The following RIPPLY1 variants were observed in gnomAD, a reference collection of about 807,000 sequenced individuals.
The protein encoded by RIPPLY1 is protein ripply1.
Under a neutral mutation model 8.7 loss-of-function variants are expected in RIPPLY1, and 10 were observed. The observed-to-expected ratio is 1.15, with a 90% CI of 0.71 to 1.94. RIPPLY1 has a LOEUF of 1.94. Among genes scored for constraint, RIPPLY1 ranks in the 30% most tolerant of loss-of-function variants. The pLI is 0.00. For synonymous variants in RIPPLY1, 54 were observed against 44.8 expected, an observed-to-expected ratio of 1.20 and a Z score of -0.82; for missense variants, 118 against 108.7, an observed-to-expected ratio of 1.09 and a Z score of -0.38.
At chrX:106,901,014 C>T in intron 3 of RIPPLY1, 106 bp from the exon 4 acceptor site, 1 of 1,085,761 alleles carries the variant, frequency 9.2e-7, no homozygotes, top group South Asian at 2.5e-5. Flanking sequence ...TTGGCTGCAA[C>T]AATGAGGTCA....
intron 2 of RIPPLY1, 120 bp from the exon 3 acceptor site, chrX:106,901,658 G>T (rs1001587558): frequency 4.3e-6 from 3 of 700,444 alleles, no homozygotes; most frequent in South Asian, 3.0e-5. Flanking sequence ...GACATCTCTG[G>T]GACCCAGCAA....
rs1397201137 is a variant in RIPPLY1, at chrX:106,900,781, C to A, written c.424G>T (p.Asp142Tyr). 1.7e-6 allele frequency: 2 copies of A among 1,209,263 alleles called. No individual in the cohort carries two copies. The highest frequency in any genetic ancestry group is 4.4e-5 in the Admixed American group (2 of 45,722). The stretch of plus-strand genomic sequence containing the variant: ...TCTTCTTCATCCTCCTGCTCTTCAT[C>A]TTCCTCTTCTTCTTCGCTGTCTGAG... ...EDSDSEEEEE[D>Y]EEQEDEEEK The change falls in exon 4 of 4, where the codon GAT (aspartate) becomes TAT (tyrosine). Residue 142 changes from aspartate to tyrosine, a missense_variant. Asp to Tyr is a radical substitution (Grantham distance 160, BLOSUM62 -3). Coordinates refer to ENST00000276173, the MANE Select transcript of RIPPLY1 (RefSeq NM_138382.3).
chrX:106,901,612 G>C (rs749040159), intron 2 of RIPPLY1, 74 bp from the exon 3 acceptor site: 3 of 1,024,370 alleles, frequency 2.9e-6, no homozygotes, highest in Non-Finnish European at 4.1e-6. Flanking sequence ...CTAGAGGTCA[G>C]AAAGCTGCAG....
intron 3 of RIPPLY1, among the ~76,000 whole-genome samples, 162 bp downstream of exon 3, chrX:106,901,312 C>T (rs967659384): frequency 2.7e-5 from 3 of 112,256 alleles, no homozygotes; most frequent in Non-Finnish European, 5.6e-5. Context: ...AAAAGACAGC[C>T]TTGGCAAAGT....
intron 2 of RIPPLY1, 103 bp from the exon 3 acceptor site, chrX:106,901,641 G>T: frequency 1.2e-6 from 1 of 828,723 alleles, no homozygotes; most frequent in Non-Finnish European, 1.8e-6. Context: ...ATCTTGAAGA[G>T]ACCTTAGACA....
At position 106,901,589 on chromosome X, in the gene RIPPLY1, T is replaced by C. The variant is rs1052694188; in HGVS notation, c.232-51A>G. The C allele has an allele frequency of 1.9e-5, 21 of 1,133,108 alleles. No individual in the cohort carries two copies. The African/African-American group carries it at 3.6e-4, about 19-fold the overall frequency. 93.4% of individuals were successfully genotyped at this position (1,133,108 alleles called of 1,213,427 possible). ...GGCTCAAAGTACATGGCTAGATAAC[T>C]TCCTCCTCTGTACTAGAGGTCAGAA... On this transcript the variant is annotated intron_variant, in intron 2 of 3. Transcript: ENST00000276173.
chrX:106,901,491 C>A lies in RIPPLY1; in HGVS notation c.279G>T (p.Lys93Asn). 2 of 1,211,571 alleles carry A rather than the reference C, an allele frequency of 1.7e-6. No homozygotes were observed. The highest frequency in any genetic ancestry group is 1.8e-5 in the South Asian group (1 of 56,919). Residue 93 changes from lysine to asparagine, a missense_variant, in exon 3 of 4, where the codon AAG becomes AAT. Physicochemically the swap from Lys to Asn is moderately conservative, Grantham distance 94 (BLOSUM62 0). Coordinates refer to ENST00000276173, the MANE Select transcript of RIPPLY1 (RefSeq NM_138382.3). Reference protein sequence around the residue: ...TAAEVTKAESKFHHPVRLFWP... With the variant: ...TAAEVTKAESNFHHPVRLFWP... ...AAGCTTACCTGACAGGGTGATGGAA[C>A]TTGGATTCAGCCTTGGTGACCTCAG...
In RIPPLY1 at chrX:106,902,190, G is replaced by T. The variant is rs1217194183; in HGVS notation, c.181C>A (p.Leu61Met). 6.7e-6 allele frequency: 8 copies of T among 1,188,639 alleles called. No individual in the cohort carries two copies. The South Asian group carries it at 1.5e-4, about 22-fold the overall frequency. ...ERGTCLWRPW[L>M]SSTNDSPRQM... ...CTTGGGGAGTCATTTGTGGAAGACA[G>T]CCAGGGCCTCCAGAGACAAGTTCCT... Residue 61 changes from leucine (L) to methionine (M), a missense_variant, in exon 2 of 4, where the codon CTG becomes ATG. Coordinates refer to ENST00000276173, the MANE Select transcript of RIPPLY1 (RefSeq NM_138382.3).
intron 1 of RIPPLY1, 60 bp from the exon 2 acceptor site, chrX:106,902,275 GAT>G (rs1933113232): frequency 1.0e-6 from 1 of 976,900 alleles, no homozygotes; most frequent in Admixed American, 2.7e-5. Context: ...GGCTCCCTGA[GAT>G]AACAAGAGAC....
At position 106,902,061 on chromosome X, in the gene RIPPLY1, G is replaced by A. The variant is rs984540017; in HGVS notation, c.231+79C>T. The A allele has an allele frequency of 2.4e-5, 20 of 843,199 alleles. No homozygotes were observed. The African/African-American group carries it at 2.8e-4, about 12-fold the overall frequency. 69.5% of individuals were successfully genotyped at this position (843,199 alleles called of 1,213,427 possible). A position where few individuals can be genotyped will look rare whatever the true frequency, so the allele number is the denominator to read the frequency against. ...ATCTGCACCTTTGGACTGAGGTCAG[G>A]GGCTCTCTGGGAAGTGACCTGGTCA... On this transcript the variant is annotated intron_variant, in intron 2 of 3. Transcript: ENST00000276173.
Sources: gnomAD v4.1 joint callset for allele counts (sites outside exome capture counted in the v4.1 genomes callset) on GRCh38, gnomAD v4.1.1 for gene constraint, MANE v1.5 for transcripts, NCBI Gene and HGNC (gene_info 2026-07-23, HGNC 2026-07-21) for gene names.